IFT52: variants seen among roughly 807,000 people sequenced by gnomAD.
IFT52 encodes intraflagellar transport protein 52 homolog.
Under a neutral mutation model 54.4 loss-of-function variants are expected in IFT52, and 44 were observed. The ratio of observed to expected loss-of-function variants is 0.81; its 90% confidence interval spans 0.63 to 1.04. The LOEUF (loss-of-function observed/expected upper bound fraction) is 1.04, where lower values mean the gene tolerates loss of function less well. IFT52 is among the 50% of genes least tolerant of loss of function. The pLI is 0.00. For synonymous variants in IFT52, 181 were observed against 185.3 expected, an observed-to-expected ratio of 0.98 and a Z score of 0.19; for missense variants, 452 against 523.6, an observed-to-expected ratio of 0.86 and a Z score of 1.33.
At chr20:43,615,177 G>A (rs186383794) in intron 7 of IFT52, among the ~76,000 whole-genome samples, 180 of 151,860 alleles carry the variant, frequency 1.2e-3, no homozygotes, top group African/African-American at 4.1e-3. Flanking sequence ...CAAGTAGCTG[G>A]GATTACAGGC....
chr20:43,623,792 G>T, intron 9 of IFT52, 99 bp from the exon 10 acceptor site: 1 of 1,323,180 alleles, frequency 7.6e-7, no homozygotes, highest in Non-Finnish European at 1.0e-6. Context: ...CTTGGCAAGA[G>T]AATATAAATG....
At chr20:43,636,669 A>G (rs932459204) in intron 11 of IFT52, among the ~76,000 whole-genome samples, 3 of 152,212 alleles carry the variant, frequency 2.0e-5, no homozygotes, top group Non-Finnish European at 2.9e-5. Context: ...TACTTTCTAC[A>G]CTAATCTGCA....
intron 1 of IFT52, among the ~76,000 whole-genome samples, 177 bp downstream of exon 1, chr20:43,591,231 G>T (rs1322006041): frequency 6.6e-6 from 1 of 152,236 alleles, no homozygotes; most frequent in Non-Finnish European, 1.5e-5. Flanking sequence ...CCGGCTGGGC[G>T]CCCATCTCCA....
At chr20:43,623,408 A>G (rs1984486864) in intron 9 of IFT52, among the ~76,000 whole-genome samples, 1 of 152,102 alleles carries the variant, frequency 6.6e-6, no homozygotes, top group South Asian at 2.1e-4. Flanking sequence ...GCTGATCTCC[A>G]ACTCCTGGGC....
chr20:43,605,008 T>G lies in IFT52; in HGVS notation c.420T>G (p.Ile140Met), dbSNP rs1297147829. ...LVSSGVLNRE[I>M]SRAAGKAVPG... ...TTAATTTTTCTTCTTCAAGGGAAAT[T>G]AGCCGAGCTGCAGGAAAGGCTGTGC... Residue 140 changes from isoleucine to methionine, a missense_variant, in exon 6 of 14, where the codon ATT becomes ATG. Physicochemically the swap from Ile to Met is conservative, Grantham distance 10 (BLOSUM62 1). Transcript: ENST00000373030. 1.7e-5 allele frequency: 27 copies of G among 1,613,452 alleles called. No individual in the cohort carries two copies. Among genetic ancestry groups the G allele is most frequent in the Non-Finnish European group, 2.2e-5 (26 of 1,179,716 alleles).
At chr20:43,613,704 C>A in intron 6 of IFT52, 146 bp from the exon 7 acceptor site, 1 of 717,992 alleles carries the variant, frequency 1.4e-6, no homozygotes, top group Non-Finnish European at 2.3e-6. Context: ...TTACAGTGAG[C>A]CAAGATCGCA....
intron 1 of IFT52, among the ~76,000 whole-genome samples, chr20:43,592,319 A>G (rs1436810319): frequency 6.6e-6 from 1 of 151,932 alleles, no homozygotes; most frequent in Non-Finnish European, 1.5e-5. Context: ...ACAGAGCAAG[A>G]CTATGCTTTG....
chr20:43,627,278 A>C (rs1420516431), intron 10 of IFT52, among the ~76,000 whole-genome samples: 1 of 152,228 alleles, frequency 6.6e-6, no homozygotes, highest in East Asian at 1.9e-4. Context: ...AGAGCCAAGC[A>C]AAGAAAGTCT....
intron 6 of IFT52, among the ~76,000 whole-genome samples, chr20:43,613,590 T>C (rs1418689842): frequency 6.6e-6 from 1 of 152,190 alleles, no homozygotes; most frequent in Non-Finnish European, 1.5e-5. Context: ...AAGACCAGCC[T>C]GGTCAACATG....
intron 11 of IFT52, among the ~76,000 whole-genome samples, chr20:43,636,484 C>G (rs1985548522): frequency 6.6e-6 from 1 of 152,142 alleles, no homozygotes; most frequent in Admixed American, 6.6e-5. Context: ...ATGTTATGAG[C>G]CAGTTAGCTT....
Position 43,614,545 on chromosome 20 carries a change from TG to T in IFT52, c.612+570del, listed in dbSNP as rs201683958. Among the ~76,000 whole-genome samples the T allele has an allele frequency of 7.5e-3, 1,108 of 147,946 alleles. 4 individuals are homozygous for T. The highest frequency in any genetic ancestry group is 0.011 in the Middle Eastern group (3 of 284). On this transcript the variant is annotated intron_variant, in intron 7 of 13. Transcript: ENST00000373030. ...TTTTAAAATAACTTTTTTTTTTTTT[TG>T]ATCCCATGGCAGCATATTGATGAAA...
At chr20:43,592,342 A>G (rs1211245543) in intron 1 of IFT52, among the ~76,000 whole-genome samples, 1 of 152,060 alleles carries the variant, frequency 6.6e-6, no homozygotes, top group Non-Finnish European at 1.5e-5. Flanking sequence ...AAAGAAGGAA[A>G]AAAAAAAGGA....
chr20:43,609,703 A>C (rs1446251634), intron 6 of IFT52, among the ~76,000 whole-genome samples: 2 of 139,156 alleles, frequency 1.4e-5, no homozygotes, highest in African/African-American at 2.7e-5. Flanking sequence ...TGAACCTGGG[A>C]GGCGGAGGTT....
rs1982742954 is a variant in IFT52 at position 43,605,002 on chromosome 20, G to A, written c.414G>A (p.Arg138=). Residue 138 remains arginine (R), a splice_region_variant and synonymous_variant, in exon 6 of 14, where the codon AGG becomes AGA. Transcript: ENST00000373030. ...TAGATTTTAATTTTTCTTCTTCAAG[G>A]GAAATTAGCCGAGCTGCAGGAAAGG... ...EALVSSGVLN[R]EISRAAGKAV... is the part of the protein sequence containing the mutation. 1.2e-6 allele frequency: 2 copies of A among 1,613,156 alleles called. No individual in the cohort carries two copies. Among genetic ancestry groups the A allele is most frequent in the Middle Eastern group, 1.7e-4 (1 of 6,058 alleles).
At chr20:43,611,216 C>T (rs965467840) in intron 6 of IFT52, among the ~76,000 whole-genome samples, 2 of 152,010 alleles carry the variant, frequency 1.3e-5, no homozygotes, top group African/African-American at 4.8e-5. Context: ...TGTTATGTCC[C>T]TTCTCCCTTC....
rs1000802616 is a variant in IFT52, at chr20:43,615,986, A to G, written c.612+2010A>G. On this transcript the variant is annotated intron_variant, in intron 7 of 13. Coordinates refer to ENST00000373030, the MANE Select transcript of IFT52 (RefSeq NM_016004.5). ...AGCCAGGCACGGTGGCAGGCTTTGC[A>G]GCATTTGCTTTTAACCTGGTACAAA... 3.9e-5 allele frequency among the ~76,000 whole-genome samples: 6 copies of G among 152,250 alleles called. No individual in the cohort carries two copies. In the East Asian group the frequency reaches 1.2e-3, roughly 29 times the overall value.
At chr20:43,629,348 C>CT (rs1984994914) in intron 10 of IFT52, among the ~76,000 whole-genome samples, 1 of 151,812 alleles carries the variant, frequency 6.6e-6, no homozygotes, top group Non-Finnish European at 1.5e-5. Flanking sequence ...TCTCGACTCA[C>CT]TGCAAGCTCC....
rs973206872 is a variant in IFT52 at position 43,630,244 on chromosome 20, G to A, written c.924-5682G>A. Among the ~76,000 whole-genome samples, 9 of 152,314 alleles carry A rather than the reference G, an allele frequency of 5.9e-5. No homozygotes were observed. The South Asian group carries it at 6.2e-4, about 11-fold the overall frequency. On this transcript the variant is annotated intron_variant, in intron 10 of 13. Transcript: ENST00000373030. Reference sequence around the variant, plus strand: ...CATCTGACCACTCCGCTAGCCAGTTGCAGTCTGACCAGCTTCTGCTGTTTT... The same window carrying A: ...CATCTGACCACTCCGCTAGCCAGTTACAGTCTGACCAGCTTCTGCTGTTTT...
chr20:43,632,668 C>T (rs975581562), intron 10 of IFT52, among the ~76,000 whole-genome samples: 3 of 152,210 alleles, frequency 2.0e-5, no homozygotes, highest in African/African-American at 4.8e-5. Flanking sequence ...TGTTGCTGTA[C>T]TCCTCATGTG....
Sources: allele counts gnomAD v4.1 joint callset (sites outside exome capture counted in the v4.1 genomes callset), GRCh38; gene constraint gnomAD v4.1.1; transcripts MANE v1.5; gene names NCBI Gene and HGNC (gene_info 2026-07-23, HGNC 2026-07-21).